The following NEDD4L variants were observed in gnomAD, a reference collection of about 807,000 sequenced individuals.
NEDD4L encodes E3 ubiquitin-protein ligase NEDD4-like.
NEDD4L carries 54 observed loss-of-function variants against 148.9 expected under a neutral mutation model. That is an observed-to-expected ratio of 0.36 (90% CI 0.29 to 0.45). NEDD4L has a LOEUF of 0.45. Ranked by LOEUF, NEDD4L falls within the 20% of genes least tolerant of loss-of-function variation. NEDD4L has a pLI of 1.00. For synonymous variants in NEDD4L, 433 were observed against 440.7 expected (o/e 0.98, Z 0.22); for missense variants, 856 against 1,233.8 (o/e 0.69, Z 4.59).
intron 4 of NEDD4L, 39 bp downstream of exon 4, chr18:58,248,976 C>T (rs778719772): frequency 8.0e-6 from 8 of 1,004,214 alleles, no homozygotes; most frequent in Middle Eastern, 2.1e-4. Context: ...GTTATTGATA[C>T]GTCTAGGTCG....
At chr18:58,125,968 C>T (rs1446119098) in intron 1 of NEDD4L, among the ~76,000 whole-genome samples, 2 of 152,252 alleles carry the variant, frequency 1.3e-5, no homozygotes, top group Non-Finnish European at 2.9e-5. Context: ...GGCGCACGCA[C>T]CAAACGGGTT....
At chr18:58,342,847 T>C in intron 15 of NEDD4L, 59 bp from the exon 16 acceptor site, 1 of 1,372,420 alleles carries the variant, frequency 7.3e-7, no homozygotes. Flanking sequence ...CCCAGGTACA[T>C]TTTGGCACAT....
chr18:58,325,286 G>A (rs931696622), intron 9 of NEDD4L, 124 bp downstream of exon 9: 3 of 1,107,984 alleles, frequency 2.7e-6, no homozygotes, highest in South Asian at 1.8e-5. Context: ...ATGGTGGTGT[G>A]GTACGAGATT....
At chr18:58,264,384 T>C (rs923542799) in intron 5 of NEDD4L, among the ~76,000 whole-genome samples, 1 of 152,062 alleles carries the variant, frequency 6.6e-6, no homozygotes, top group Admixed American at 6.5e-5. Context: ...CAGGGGTCAT[T>C]TTTAAATGTT....
chr18:58,396,498 T>G lies in NEDD4L; in HGVS notation c.*229T>G. The G allele has an allele frequency of 7.2e-6, 3 of 418,750 alleles. No individual in the cohort carries two copies. The South Asian group carries it at 9.0e-5, about 13-fold the overall frequency. The allele number at this position is 418,750 out of a possible 1,614,324, so 25.9% of individuals were successfully genotyped here. ...TCAACTGGTTGATGTGTACACTAATTACATTTCAGGAGGACTTAATGCTAT... is the reference window on the plus strand; with the variant it reads ...TCAACTGGTTGATGTGTACACTAATGACATTTCAGGAGGACTTAATGCTAT... On this transcript the variant is annotated 3_prime_UTR_variant, in exon 31 of 31. Coordinates refer to ENST00000400345, the MANE Select transcript of NEDD4L (RefSeq NM_001144967.3).
chr18:58,334,626 CTGTT>C (rs1344318832), intron 12 of NEDD4L, among the ~76,000 whole-genome samples: 2 of 152,150 alleles, frequency 1.3e-5, no homozygotes, highest in African/African-American at 2.4e-5. Flanking sequence ...CAGTTTTTGT[CTGTT>C]GCTACAAAAC....
chr18:58,106,911 G>A (rs967249755), intron 1 of NEDD4L, among the ~76,000 whole-genome samples: 9 of 152,218 alleles, frequency 5.9e-5, no homozygotes, highest in Admixed American at 5.2e-4. Context: ...TGATGAGGAA[G>A]TGGGTTAGTC....
chr18:58,234,057 CTTTCT>C (rs1464364225), intron 2 of NEDD4L, among the ~76,000 whole-genome samples: 4 of 80,442 alleles, frequency 5.0e-5, no homozygotes, highest in Admixed American at 2.7e-4. Context: ...TTCTTTCTTT[CTTTCT>C]TTCTTTCTTT....
intron 2 of NEDD4L, among the ~76,000 whole-genome samples, chr18:58,231,446 T>G (rs905187037): frequency 1.3e-5 from 2 of 151,688 alleles, no homozygotes; most frequent in Non-Finnish European, 2.9e-5. Flanking sequence ...TCCAAGGCCA[T>G]GGGGGGAAAG....
At chr18:58,241,731 T>A (rs1427729911) in intron 2 of NEDD4L, among the ~76,000 whole-genome samples, 2 of 151,958 alleles carry the variant, frequency 1.3e-5, no homozygotes, top group African/African-American at 4.9e-5. Flanking sequence ...CAGTGTCTTT[T>A]GTTTCTGGAA....
chr18:58,337,642 T>C (rs2041939943), intron 13 of NEDD4L, among the ~76,000 whole-genome samples: 1 of 152,188 alleles, frequency 6.6e-6, no homozygotes, highest in Non-Finnish European at 1.5e-5. Context: ...CTTATGTTCA[T>C]TCTTCTGGGA....
In NEDD4L at chr18:58,387,628, A is replaced by C. The variant is rs530880857; in HGVS notation, c.2547+130A>C. ...AGTAACTTTAGATGAATTATATTACATGTCTCTTATAGGGCTTATTTGCCA... is the reference window on the plus strand; with the variant it reads ...AGTAACTTTAGATGAATTATATTACCTGTCTCTTATAGGGCTTATTTGCCA... On this transcript the variant is annotated intron_variant, in intron 27 of 30. Transcript: ENST00000400345. The C allele has an allele frequency of 1.7e-5, 18 of 1,070,346 alleles. No individual in the cohort carries two copies. In the Admixed American group the frequency reaches 6.3e-4, roughly 38 times the overall value. The allele number at this position is 1,070,346 out of a possible 1,614,324, so 66.3% of individuals were successfully genotyped here.
Position 58,349,629 on chromosome 18 carries a change from G to A in NEDD4L, c.1653+15G>A, listed in dbSNP as rs889485511. 4.4e-6 allele frequency: 7 copies of A among 1,593,362 alleles called. No individual in the cohort carries two copies. The highest frequency in any genetic ancestry group is 6.0e-6 in the Non-Finnish European group (7 of 1,161,196). ...GCCCCCTTCCTGTGAGTACACTGGA[G>A]ACACATGGAATGGTCTGAATATGTG... is the stretch of plus-strand genomic sequence containing the variant. On this transcript the variant is annotated intron_variant, in intron 17 of 30. Transcript: ENST00000400345.
intron 1 of NEDD4L, among the ~76,000 whole-genome samples, chr18:58,125,508 C>T (rs557303703): frequency 6.6e-6 from 1 of 152,238 alleles, no homozygotes; most frequent in South Asian, 2.1e-4. Flanking sequence ...AATGAAATCA[C>T]ATCAGGTCCT....
chr18:58,368,903 A>G (rs2046450550), intron 22 of NEDD4L, among the ~76,000 whole-genome samples: 1 of 152,158 alleles, frequency 6.6e-6, no homozygotes, highest in Non-Finnish European at 1.5e-5. Context: ...GCTCCAATTC[A>G]CTCCAACTTT....
chr18:58,116,196 G>A lies in NEDD4L; in HGVS notation c.49-49592G>A, dbSNP rs186401169. On this transcript the variant is annotated intron_variant, in intron 1 of 30. Coordinates refer to ENST00000400345, the MANE Select transcript of NEDD4L (RefSeq NM_001144967.3). ...TTACAGCGCTTCTTCCAGACAGCACGCTCAGAATTGCGTTTCTTACTTCCA... is the reference window on the plus strand; with the variant it reads ...TTACAGCGCTTCTTCCAGACAGCACACTCAGAATTGCGTTTCTTACTTCCA... Among the ~76,000 whole-genome samples, 246 of 152,334 alleles carry A rather than the reference G, an allele frequency of 1.6e-3. 2 individuals are homozygous for A. Among genetic ancestry groups the A allele is most frequent in the African/African-American group, 5.4e-3 (223 of 41,578 alleles).
chr18:58,263,713 GTAGT>G (rs1303064279), intron 5 of NEDD4L, among the ~76,000 whole-genome samples: 3 of 134,640 alleles, frequency 2.2e-5, no homozygotes, highest in African/African-American at 8.3e-5. Flanking sequence ...GCATGGCTAG[GTAGT>G]TACCTCATGA....
intron 6 of NEDD4L, among the ~76,000 whole-genome samples, chr18:58,321,287 G>T (rs1269135913): frequency 6.6e-6 from 1 of 152,224 alleles, no homozygotes; most frequent in Non-Finnish European, 1.5e-5. Flanking sequence ...TAAAGGATGA[G>T]ACCTGGGATC....
intron 1 of NEDD4L, among the ~76,000 whole-genome samples, chr18:58,089,190 G>A (rs144959765): frequency 1.3e-4 from 18 of 136,028 alleles, no homozygotes; most frequent in African/African-American, 4.6e-4. Context: ...CTGGAGTACA[G>A]TGGCACAATC....
Sources: allele counts gnomAD v4.1 joint callset (sites outside exome capture counted in the v4.1 genomes callset), GRCh38; gene constraint gnomAD v4.1.1; transcripts MANE v1.5; gene names NCBI Gene and HGNC (gene_info 2026-07-23, HGNC 2026-07-21).